The following SEZ6 variants were observed in gnomAD, a reference collection of about 807,000 sequenced individuals.
SEZ6 encodes seizure related 6 homolog, also known as seizure protein 6 homolog.
Under a neutral mutation model 101.0 loss-of-function variants are expected in SEZ6, and 53 were observed. The observed-to-expected ratio is 0.52, with a 90% CI of 0.42 to 0.66. The LOEUF (loss-of-function observed/expected upper bound fraction) is 0.66. SEZ6 is among the 30% of genes least tolerant of loss of function. The pLI is 0.00. For synonymous variants in SEZ6, 488 were observed against 512.2 expected, an observed-to-expected ratio of 0.95 and a Z score of 0.64; for missense variants, 1,102 against 1,289.4, an observed-to-expected ratio of 0.85 and a Z score of 2.23.
Position 29,005,642 on chromosome 17 carries a change from C to G in SEZ6, c.55+173G>C, listed in dbSNP as rs969398108. On this transcript the variant is annotated intron_variant, in intron 1 of 16. Transcript: ENST00000317338. The surrounding 1 kb of genome is among the most constrained non-coding windows in gnomAD (Gnocchi z 4.8). Reference sequence around the variant, plus strand: ...GGCGGGAGCCGCGGCAGCTTCCCGCCCGCGAAGCCCGCGCCCCGCCCGGCT... The same window carrying G: ...GGCGGGAGCCGCGGCAGCTTCCCGCGCGCGAAGCCCGCGCCCCGCCCGGCT... 6.6e-6 allele frequency among the ~76,000 whole-genome samples: 1 copy of G among 151,200 alleles called. No individual in the cohort carries two copies. Among genetic ancestry groups the G allele is most frequent in the Non-Finnish European group, 1.5e-5 (1 of 67,724 alleles).
Position 28,958,112 on chromosome 17 carries a change from G to A in SEZ6, c.2137C>T (p.Leu713=). Residue 713 remains leucine (L), a synonymous_variant, in exon 11 of 17, where the codon CTG becomes TTG. Transcript: ENST00000317338. ...EVPRNDTCPE[L]PEIPNGWKSP... Reference sequence around the variant, plus strand: ...TTCCAGCCATTGGGGATCTCAGGCAGCTCCGGACATGTGTCATTGCGGGGC... The same window carrying A: ...TTCCAGCCATTGGGGATCTCAGGCAACTCCGGACATGTGTCATTGCGGGGC... 6.2e-7 allele frequency: 1 copy of A among 1,602,432 alleles called. No individual in the cohort carries two copies. The highest frequency in any genetic ancestry group is 8.5e-7 in the Non-Finnish European group (1 of 1,170,292).
At chr17:28,991,001 G>T (rs2041449653) in intron 1 of SEZ6, among the ~76,000 whole-genome samples, 1 of 151,958 alleles carries the variant, frequency 6.6e-6, no homozygotes, top group Non-Finnish European at 1.5e-5. Flanking sequence ...TGCCTCCTGG[G>T]TTCAAGCAAT....
chr17:28,959,135 C>A lies in SEZ6; in HGVS notation c.1997G>T (p.Arg666Leu), dbSNP rs114813876. 1 of 1,613,832 alleles carries A rather than the reference C, an allele frequency of 6.2e-7. No homozygotes were observed. The highest frequency in any genetic ancestry group is 8.5e-7 in the Non-Finnish European group (1 of 1,179,832). Residue 666 changes from arginine to leucine, a missense_variant, in exon 10 of 17, where the codon CGT becomes CTT. By Grantham distance (102) the Arg-to-Leu change is moderately radical (BLOSUM62 -2). Around this residue, in one of 3 missense-constraint regions of SEZ6, gnomAD observed 556 missense variants for 735.1 expected, o/e 0.76. Transcript: ENST00000317338. This position sits in a 1 kb window ranked among gnomAD's most constrained non-coding sequence, Gnocchi z 4.4. Reference protein sequence around the residue: ...ARVLGQYSGPRSHFKLFTSMA... With the variant: ...ARVLGQYSGPLSHFKLFTSMA... ...GGAGGTAAAGAGCTTGAAGTGGCTA[C>A]GGGGCCCTGAGTACTGGCCCAGAAC... is the stretch of plus-strand genomic sequence containing the variant.
chr17:28,987,092 C>A (rs571784871), intron 1 of SEZ6, among the ~76,000 whole-genome samples: 2 of 152,120 alleles, frequency 1.3e-5, no homozygotes, highest in Non-Finnish European at 2.9e-5. Context: ...AGGGACAGGG[C>A]GGGCAGGGGG....
intron 2 of SEZ6, among the ~76,000 whole-genome samples, chr17:28,980,536 A>AT (rs1012149478): frequency 4.6e-5 from 7 of 150,930 alleles, no homozygotes; most frequent in Admixed American, 1.3e-4. Context: ...CGCCCGGCTA[A>AT]TTTTTTGTAT....
chr17:28,957,860 A>G, intron 11 of SEZ6, 87 bp downstream of exon 11: 1 of 1,422,074 alleles, frequency 7.0e-7, no homozygotes, highest in Non-Finnish European at 9.6e-7. Flanking sequence ...GATACTAGCT[A>G]ATAACAGCTA....
chr17:28,988,966 C>G (rs1371044617), intron 1 of SEZ6, among the ~76,000 whole-genome samples: 1 of 152,168 alleles, frequency 6.6e-6, no homozygotes, highest in African/African-American at 2.4e-5. Context: ...GGGCATACCT[C>G]CAGGGACAGA....
rs886381697 is a variant in SEZ6 at position 28,982,975 on chromosome 17, T to G, written c.56-936A>C. 2.8e-4 allele frequency among the ~76,000 whole-genome samples: 41 copies of G among 148,476 alleles called. 1 individual carries two copies. Among genetic ancestry groups the G allele is most frequent in the Middle Eastern group, 6.9e-3 (2 of 290 alleles). On this transcript the variant is annotated intron_variant, in intron 1 of 16. Transcript: ENST00000317338. ...GCCACCGCACCCGACCATGGGTGCA[T>G]GACTTCTTTGTTAGGGGCCCAGTAG...
chr17:28,980,302 G>A (rs1792694717), intron 2 of SEZ6, among the ~76,000 whole-genome samples: 2 of 151,162 alleles, frequency 1.3e-5, no homozygotes, highest in South Asian at 4.2e-4. Flanking sequence ...CTGCCTCCTG[G>A]GTTCAAGCTA....
chr17:28,966,143 C>G (rs990849062), intron 4 of SEZ6, among the ~76,000 whole-genome samples: 1 of 137,058 alleles, frequency 7.3e-6, no homozygotes, highest in African/African-American at 2.7e-5. Flanking sequence ...ACTCCATGTT[C>G]CAAAAAATAA....
chr17:28,957,613 C>T (rs2040904982), intron 11 of SEZ6, 74 bp from the exon 12 acceptor site: 3 of 1,486,078 alleles, frequency 2.0e-6, no homozygotes. Flanking sequence ...TGGCTTTGTT[C>T]CAGGCCAGCT....
At chr17:28,979,133 C>T (rs376638392) in intron 3 of SEZ6, among the ~76,000 whole-genome samples, 212 of 152,084 alleles carry the variant, frequency 1.4e-3, no homozygotes, top group Non-Finnish European at 2.6e-3. Flanking sequence ...CCTCAGGCCT[C>T]GGGATTAAGA....
chr17:28,959,099 A>G lies in SEZ6; in HGVS notation c.2033T>C (p.Val678Ala). 1 of 1,614,000 alleles carries G rather than the reference A, an allele frequency of 6.2e-7. No homozygotes were observed. The change falls in exon 10 of 17, where the codon GTC becomes GCC. Residue 678 changes from valine (V) to alanine (A), a missense_variant. By Grantham distance (64) the Val-to-Ala change is moderately conservative. This residue lies in a region of SEZ6 where 556 missense variants were observed against 735.1 expected (regional missense o/e 0.76). Coordinates refer to ENST00000317338, the MANE Select transcript of SEZ6 (RefSeq NM_178860.5). The surrounding 1 kb of genome is among the most constrained non-coding windows in gnomAD (Gnocchi z 4.4). ...HFKLFTSMADVTIQFQSDPGT... is the reference protein window; with the variant it reads ...HFKLFTSMADATIQFQSDPGT... ...GGGGTCCGACTGGAACTGAATGGTG[A>G]CATCAGCCATGGAGGTAAAGAGCTT...
intron 1 of SEZ6, among the ~76,000 whole-genome samples, chr17:28,994,767 A>G (rs1184948791): frequency 1.3e-5 from 2 of 151,424 alleles, no homozygotes; most frequent in Non-Finnish European, 2.9e-5. Context: ...CTGACCCTTT[A>G]TTATCGGTGC....
intron 4 of SEZ6, among the ~76,000 whole-genome samples, chr17:28,965,352 C>A (rs1042495338): frequency 9.9e-5 from 15 of 151,684 alleles, no homozygotes; most frequent in Non-Finnish European, 1.9e-4. Context: ...GACTTCATCT[C>A]AAAAAAACAA....
At chr17:28,974,251 G>T (rs915729935) in intron 3 of SEZ6, among the ~76,000 whole-genome samples, 8 of 152,266 alleles carry the variant, frequency 5.3e-5, no homozygotes, top group Admixed American at 2.0e-4. Context: ...CTGGCTACAG[G>T]TCTCCTAGGC....
chr17:28,967,463 A>C (rs1235900882), intron 4 of SEZ6, among the ~76,000 whole-genome samples: 1 of 152,162 alleles, frequency 6.6e-6, no homozygotes, highest in Non-Finnish European at 1.5e-5. Flanking sequence ...ACTTGGGTTC[A>C]GGGGTCAGAG....
intron 1 of SEZ6, among the ~76,000 whole-genome samples, chr17:28,989,517 T>C (rs1776434805): frequency 6.6e-6 from 1 of 152,194 alleles, no homozygotes; most frequent in African/African-American, 2.4e-5. Context: ...AATATTTTTA[T>C]TTATTTATCT....
At chr17:28,989,476 GC>G (rs1185112436) in intron 1 of SEZ6, among the ~76,000 whole-genome samples, 1 of 152,154 alleles carries the variant, frequency 6.6e-6, no homozygotes, top group Non-Finnish European at 1.5e-5. Flanking sequence ...GCCTAGAGCA[GC>G]CCTGTCCAAT....
Sources: allele counts gnomAD v4.1 joint callset (sites outside exome capture counted in the v4.1 genomes callset), GRCh38; gene constraint gnomAD v4.1.1; regional missense constraint gnomAD v4.1.1; non-coding constraint Gnocchi (gnomAD v3.1); transcripts MANE v1.5; gene names NCBI Gene and HGNC (gene_info 2026-07-23, HGNC 2026-07-21).